Variants in SLC68A1 observed in about 807,000 individuals in gnomAD.
SLC68A1 encodes the protein solute carrier family 68 member 1, also known as major facilitator superfamily domain containing 13A.
the SLC68A1 span, among the ~76,000 whole-genome samples, chr10:102,463,168 G>A: frequency 1.2e-5 from 1 of 80,334 alleles, no homozygotes; most frequent in Admixed American, 2.0e-4. Context: ...ACCCAGCCCT[G>A]CTTTTTTTTT....
the SLC68A1 span, chr10:102,476,074 AG>A: frequency 1.9e-5 from 22 of 1,167,664 alleles, no homozygotes; most frequent in Admixed American, 1.0e-4. Flanking sequence ...AGGATTTCAT[AG>A]TTTTTTTTTT....
At chr10:102,471,451 G>A in the SLC68A1 span, 3 of 1,589,936 alleles carry the variant, frequency 1.9e-6, no homozygotes, top group East Asian at 4.5e-5. Flanking sequence ...CACTCAAGGG[G>A]ACAGACTCCT....
chr10:102,473,028 G>GT, the SLC68A1 span: 1 of 1,170,324 alleles, frequency 8.5e-7, no homozygotes, highest in Non-Finnish European at 1.3e-6. Context: ...GGGTTTCACC[G>GT]TATTAGCCAG....
chr10:102,466,544 G>A, the SLC68A1 span, among the ~76,000 whole-genome samples: 2 of 151,528 alleles, frequency 1.3e-5, no homozygotes, highest in Non-Finnish European at 2.9e-5. Context: ...AGGAAACTCC[G>A]GCCCAGAAGG....
chr10:102,468,260 C>A, the SLC68A1 span: 71,890 of 152,028 alleles, frequency 0.47, 17,642 homozygotes, highest in Middle Eastern at 0.62. Context: ...CAAAATAGGC[C>A]TAACAATCTC....
At chr10:102,470,814 A>G in the SLC68A1 span, 31 of 1,613,682 alleles carry the variant, frequency 1.9e-5, no homozygotes, top group East Asian at 1.8e-4. Context: ...CTGTGCCTCT[A>G]TGATGGCTTC....
At chr10:102,472,698 T>C in the SLC68A1 span, 545 of 688,780 alleles carry the variant, frequency 7.9e-4, 4 homozygotes, top group African/African-American at 8.6e-3. Context: ...TGTTCTGGCA[T>C]GTTCTGTGTT....
At chr10:102,469,318 A>T in the SLC68A1 span, 1 of 962,958 alleles carries the variant, frequency 1.0e-6, no homozygotes. Flanking sequence ...TGGGCAGTCC[A>T]GGTTGTTCAC....
At chr10:102,476,132 G>A in the SLC68A1 span, 3 of 1,305,576 alleles carry the variant, frequency 2.3e-6, no homozygotes, top group Non-Finnish European at 3.0e-6. Context: ...TTGCAGTGGT[G>A]CAATCTGGGC....
At chr10:102,468,988 GC>G in the SLC68A1 span, 6 of 1,571,890 alleles carry the variant, frequency 3.8e-6, no homozygotes, top group Non-Finnish European at 4.3e-6. Flanking sequence ...GTGGCCATGA[GC>G]CCTCCCCGGT....
At chr10:102,469,933 G>C in the SLC68A1 span, 1 of 1,578,768 alleles carries the variant, frequency 6.3e-7, no homozygotes, top group Non-Finnish European at 8.6e-7. Flanking sequence ...GCTGAGGGGG[G>C]AGGAGCCCTG....
chr10:102,476,833 C>T, the SLC68A1 span: 1 of 985,546 alleles, frequency 1.0e-6, no homozygotes, highest in Non-Finnish European at 1.2e-6. Context: ...AATACTGCAA[C>T]TGCTCCCTTT....
At chr10:102,474,073 C>T in the SLC68A1 span, 3 of 1,475,940 alleles carry the variant, frequency 2.0e-6, no homozygotes, top group Admixed American at 2.2e-5. Context: ...TTACCTGGCA[C>T]AGTGGCTGGC....
the SLC68A1 span, chr10:102,476,724 G>A: frequency 0.34 from 338,850 of 985,996 alleles, 59,047 homozygotes; most frequent in Admixed American, 0.36. Context: ...GAAGGGAGGG[G>A]GCTGCCCTGT....
At chr10:102,474,948 A>T in the SLC68A1 span, among the ~76,000 whole-genome samples, 4 of 147,108 alleles carry the variant, frequency 2.7e-5, no homozygotes, top group African/African-American at 9.9e-5. Flanking sequence ...ACGCCCGGCC[A>T]GGGAGGGTTT....
chr10:102,469,932 G>C, the SLC68A1 span: 5 of 1,577,264 alleles, frequency 3.2e-6, no homozygotes, highest in Middle Eastern at 1.7e-4. Flanking sequence ...GGCTGAGGGG[G>C]GAGGAGCCCT....
At chr10:102,462,849 G>A in the SLC68A1 span, among the ~76,000 whole-genome samples, 1 of 152,146 alleles carries the variant, frequency 6.6e-6, no homozygotes, top group African/African-American at 2.4e-5. Context: ...CTTAATAAAT[G>A]TTCCTCTGTT....
the SLC68A1 span, chr10:102,461,876 AG>A: frequency 6.6e-6 from 1 of 152,302 alleles, no homozygotes; most frequent in East Asian, 1.9e-4. Context: ...GTTCTGGGTG[AG>A]GCCTGGGCCT....
At chr10:102,469,770 C>G in the SLC68A1 span, 1 of 873,498 alleles carries the variant, frequency 1.1e-6, no homozygotes, top group South Asian at 5.3e-5. Context: ...TGGTCTCAAA[C>G]TCCTGACCTC....
Sources: allele counts gnomAD v4.1 joint callset (sites outside exome capture counted in the v4.1 genomes callset), GRCh38; gene constraint gnomAD v4.1.1; transcripts MANE v1.5; gene names NCBI Gene and HGNC (gene_info 2026-07-23, HGNC 2026-07-21).